The following IGF1 variants were observed in gnomAD, a reference collection of about 807,000 sequenced individuals.
IGF1 encodes the protein insulin-like growth factor 1.
A neutral mutation model predicts 13.8 loss-of-function variants in IGF1; 4 were observed. The observed-to-expected ratio is 0.29, with a 90% CI of 0.14 to 0.66. The LOEUF is 0.66. Among genes scored for constraint, IGF1 ranks in the 30% least tolerant of loss-of-function variants. The pLI, the probability that IGF1 is intolerant of heterozygous loss-of-function variation, is 0.78. For missense variants in IGF1, 124 were observed against 188.5 expected (o/e 0.66, Z 2.00); for synonymous variants, 76 against 72.6 (o/e 1.05, Z -0.23).
intron 1 of IGF1, among the ~76,000 whole-genome samples, chr12:102,478,128 G>T (rs1013508136): frequency 1.0e-4 from 15 of 150,600 alleles, no homozygotes; most frequent in African/African-American, 7.3e-5. Flanking sequence ...GAGAACCAGA[G>T]AATTTTATGT....
chr12:102,406,101 A>AC (rs1296076415), intron 3 of IGF1, among the ~76,000 whole-genome samples: 1 of 152,252 alleles, frequency 6.6e-6, no homozygotes, highest in Non-Finnish European at 1.5e-5. Context: ...ACACACGTGC[A>AC]CGGTGGAGGC....
intron 2 of IGF1, among the ~76,000 whole-genome samples, chr12:102,452,596 C>T (rs931534569): frequency 2.6e-5 from 4 of 152,306 alleles, no homozygotes; most frequent in Admixed American, 2.6e-4. Flanking sequence ...GGCCATTCAG[C>T]ATGCTTATTT....
Position 102,401,177 on chromosome 12 carries a change from A to C in IGF1, c.*1330T>G, listed in dbSNP as rs1440370875. 6.5e-6 allele frequency: 1 copy of C among 152,916 alleles called. No homozygotes were observed. Among genetic ancestry groups the C allele is most frequent in the East Asian group, 1.9e-4 (1 of 5,272 alleles). 9.5% of individuals were successfully genotyped at this position (152,916 alleles called of 1,614,324 possible). A position where few individuals can be genotyped will look rare whatever the true frequency, so the allele number is the denominator to read the frequency against. On this transcript the variant is annotated 3_prime_UTR_variant, in exon 4 of 4. Coordinates refer to ENST00000337514, the MANE Select transcript of IGF1 (RefSeq NM_000618.5). ...CTGAATCTTTATCTTTTTAAACCTT[A>C]TACCACCCCTTTGAGGTAGGTAGAT...
In IGF1 at chr12:102,465,415, C is replaced by T. The variant is rs76107788; in HGVS notation, c.220+10228G>A. On this transcript the variant is annotated intron_variant, in intron 2 of 3. Transcript: ENST00000337514. ...TGTAAGGCTCAAGGACGTTAAGTGA[C>T]TTCTCCAAGGTCATAGAACTGTTCA... is the stretch of plus-strand genomic sequence containing the variant. Among the ~76,000 whole-genome samples, 153 of 152,308 alleles carry T rather than the reference C, an allele frequency of 1.0e-3. 1 individual carries two copies. The East Asian group carries it at 0.029, about 28-fold the overall frequency.
chr12:102,441,906 G>GCTGCTGCTGCTGCTGCTTCTTCTTCTT lies in IGF1; in HGVS notation c.221-22217_221-22216insAAGAAGAAGAAGCAGCAGCAGCAGCAG. Among the ~76,000 whole-genome samples, 84 of 100,338 alleles carry GCTGCTGCTGCTGCTGCTTCTTCTTCTT rather than the reference G, an allele frequency of 8.4e-4. 1 individual carries two copies. The highest frequency in any genetic ancestry group is 1.3e-3 in the African/African-American group (32 of 25,468). The allele number at this position is 100,338 out of a possible 152,430, so 65.8% of individuals were successfully genotyped here. A position where few individuals can be genotyped will look rare whatever the true frequency, so the allele number is the denominator to read the frequency against. ...GAGCACTAAGTCATTCTATTACACT[G>GCTGCTGCTGCTGCTGCTTCTTCTTCTT]CTTCTTCTCCTTCTTCTTCTTCTTC... On this transcript the variant is annotated intron_variant, in intron 2 of 3. Transcript: ENST00000337514.
At chr12:102,464,715 T>C (rs748976400) in intron 2 of IGF1, among the ~76,000 whole-genome samples, 1 of 152,044 alleles carries the variant, frequency 6.6e-6, no homozygotes, top group Non-Finnish European at 1.5e-5. Context: ...ACTCACAATT[T>C]TGATTTCATC....
chr12:102,430,673 C>T lies in IGF1; in HGVS notation c.221-10983G>A, dbSNP rs370753266. On this transcript the variant is annotated intron_variant, in intron 2 of 3. Coordinates refer to ENST00000337514, the MANE Select transcript of IGF1 (RefSeq NM_000618.5). ...ATTTTAATCTACTTCTAAAGACTTG[C>T]TAATTTATTTTTCTTCTCAAACGAC... Among the ~76,000 whole-genome samples, 3 of 152,184 alleles carry T rather than the reference C, an allele frequency of 2.0e-5. No individual in the cohort carries two copies. The East Asian group carries it at 5.8e-4, about 29-fold the overall frequency.
chr12:102,417,076 T>C (rs557917698), intron 3 of IGF1, among the ~76,000 whole-genome samples: 1 of 152,352 alleles, frequency 6.6e-6, no homozygotes, highest in Admixed American at 6.5e-5. Flanking sequence ...CAAGGGCTGA[T>C]ACTTTGATTT....
intron 2 of IGF1, among the ~76,000 whole-genome samples, chr12:102,441,599 C>T (rs950800489): frequency 3.3e-5 from 5 of 152,078 alleles, no homozygotes; most frequent in South Asian, 4.1e-4. Flanking sequence ...CTTCAGAGCT[C>T]GTGGGCAGAG....
In IGF1 at chr12:102,419,496, C is replaced by G; in HGVS notation, c.402+13G>C. On this transcript the variant is annotated intron_variant, in intron 3 of 3. Transcript: ENST00000337514. Reference sequence around the variant, plus strand: ...CACTTGAGGATGGCTGGATCCCACCCAGGTGGGCTTACCTTCTGGGTCTTG... The same window carrying G: ...CACTTGAGGATGGCTGGATCCCACCGAGGTGGGCTTACCTTCTGGGTCTTG... 2 of 1,611,060 alleles carry G rather than the reference C, an allele frequency of 1.2e-6. No homozygotes were observed. Among genetic ancestry groups the G allele is most frequent in the Non-Finnish European group, 1.7e-6 (2 of 1,178,704 alleles).
chr12:102,449,272 A>T, intron 2 of IGF1, among the ~76,000 whole-genome samples: 1 of 152,104 alleles, frequency 6.6e-6, no homozygotes, highest in African/African-American at 2.4e-5. Context: ...GCTGAAAACC[A>T]TTCTCAGCAA....
rs984380922 is a variant in IGF1, at chr12:102,402,065, C to T, written c.*442G>A. On this transcript the variant is annotated 3_prime_UTR_variant, in exon 4 of 4. Transcript: ENST00000337514. ...ATCAGACACTGTAAAACAAACAGCC[C>T]GAGTTGTGTAGAAAGAAGTGCAAAT... The T allele has an allele frequency of 1.3e-5, 2 of 155,304 alleles. No homozygotes were observed. Among genetic ancestry groups the T allele is most frequent in the African/African-American group, 4.8e-5 (2 of 41,380 alleles). The allele number at this position is 155,304 out of a possible 1,614,324, so 9.6% of individuals were successfully genotyped here.
chr12:102,430,816 C>T (rs922914037), intron 2 of IGF1, among the ~76,000 whole-genome samples: 2 of 152,218 alleles, frequency 1.3e-5, no homozygotes, highest in African/African-American at 4.8e-5. Flanking sequence ...AGTGCTCCCA[C>T]GGTCCACTGA....
rs1879617644 is a variant in IGF1 at position 102,458,497 on chromosome 12, ATGGAGGCC to A, written c.220+17138_220+17145del. Among the ~76,000 whole-genome samples, 6 of 152,258 alleles carry A rather than the reference ATGGAGGCC, an allele frequency of 3.9e-5. No homozygotes were observed. The South Asian group carries it at 1.2e-3, about 32-fold the overall frequency. On this transcript the variant is annotated intron_variant, in intron 2 of 3. Transcript: ENST00000337514. Reference sequence around the variant, plus strand: ...TGTACTTGAAAATACCGAAAAGTCCATGGAGGCCTTCCGACTCAGCCATGTCTACATTT... The same window carrying A: ...TGTACTTGAAAATACCGAAAAGTCCATTCCGACTCAGCCATGTCTACATTT...
intron 2 of IGF1, among the ~76,000 whole-genome samples, chr12:102,455,926 C>G (rs1303995035): frequency 1.3e-5 from 2 of 152,160 alleles, no homozygotes; most frequent in Non-Finnish European, 2.9e-5. Flanking sequence ...GATATCGCTT[C>G]CTGGAGAATG....
chr12:102,400,107 C>CAT lies in IGF1; in HGVS notation c.*2398_*2399dup, dbSNP rs1873556277. Reference sequence around the variant, plus strand: ...TCCACTAAATGGGGCCTTCTTTTTGCATATATTCAGAGATCCAGGGAGTCT... The same window carrying CAT: ...TCCACTAAATGGGGCCTTCTTTTTGCATATATATTCAGAGATCCAGGGAGTCT... On this transcript the variant is annotated 3_prime_UTR_variant, in exon 4 of 4. Transcript: ENST00000337514. 6.8e-6 allele frequency: 1 copy of CAT among 147,446 alleles called. No homozygotes were observed. Among genetic ancestry groups the CAT allele is most frequent in the Non-Finnish European group, 1.5e-5 (1 of 67,292 alleles). The allele number at this position is 147,446 out of a possible 1,614,324, so 9.1% of individuals were successfully genotyped here. A position where few individuals can be genotyped will look rare whatever the true frequency, so the allele number is the denominator to read the frequency against.
Position 102,446,718 on chromosome 12 carries a change from C to G in IGF1, c.221-27028G>C, listed in dbSNP as rs575729058. On this transcript the variant is annotated intron_variant, in intron 2 of 3. Transcript: ENST00000337514. ...TTTGAAGGGTTTCTCATGTCTCTAT[C>G]TCTTTCAGTTCTGCTCTGATCTTAG... Among the ~76,000 whole-genome samples the G allele has an allele frequency of 5.9e-5, 9 of 152,244 alleles. 1 individual carries two copies. The South Asian group carries it at 1.2e-3, about 21-fold the overall frequency.
chr12:102,478,480 T>C (rs1881208819), intron 1 of IGF1: 1 of 1,596,724 alleles, frequency 6.3e-7, no homozygotes, highest in Non-Finnish European at 8.5e-7. Flanking sequence ...CATAAGAAAA[T>C]ACTCACTGTA....
At chr12:102,414,734 T>C (rs1303360804) in intron 3 of IGF1, among the ~76,000 whole-genome samples, 3 of 152,192 alleles carry the variant, frequency 2.0e-5, no homozygotes, top group African/African-American at 7.2e-5. Context: ...TTAAGGACTA[T>C]ATTTTAGCCT....
Sources: allele counts gnomAD v4.1 joint callset (sites outside exome capture counted in the v4.1 genomes callset), GRCh38; gene constraint gnomAD v4.1.1; transcripts MANE v1.5; gene names NCBI Gene and HGNC (gene_info 2026-07-23, HGNC 2026-07-21).